DYRK1A: variants seen among roughly 807,000 people sequenced by gnomAD.
DYRK1A encodes dual specificity tyrosine-phosphorylation-regulated kinase 1A.
A neutral mutation model predicts 79.7 loss-of-function variants in DYRK1A; 9 were observed. The observed-to-expected ratio is 0.11, with a 90% CI of 0.07 to 0.20. DYRK1A has a LOEUF of 0.20. Among genes scored for constraint, DYRK1A ranks in the 10% least tolerant of loss-of-function variants. The pLI, the probability that DYRK1A is intolerant of heterozygous loss-of-function variation, is 1.00. For synonymous variants in DYRK1A, 349 were observed against 329.7 expected (o/e 1.06, Z -0.63); for missense variants, 622 against 956.0 (o/e 0.65, Z 4.61).
intron 6 of DYRK1A, 111 bp from the exon 7 acceptor site, chr21:37,490,064 T>C (rs950190208): frequency 3.6e-6 from 4 of 1,122,144 alleles, no homozygotes; most frequent in Non-Finnish European, 3.7e-6. Flanking sequence ...AAACTTTAAC[T>C]GAACTCTGCA....
At chr21:37,410,116 C>G (rs1272187834) in intron 1 of DYRK1A, among the ~76,000 whole-genome samples, 2 of 152,100 alleles carry the variant, frequency 1.3e-5, no homozygotes, top group African/African-American at 2.4e-5. Flanking sequence ...AGGACTCATG[C>G]TTAAATAGAC....
chr21:37,433,909 G>A (rs2050849193), intron 2 of DYRK1A, among the ~76,000 whole-genome samples: 1 of 152,134 alleles, frequency 6.6e-6, no homozygotes, highest in African/African-American at 2.4e-5. Flanking sequence ...CTAGGATGGG[G>A]GGGTTAATAT....
At chr21:37,409,645 T>G (rs2148412355) in intron 1 of DYRK1A, among the ~76,000 whole-genome samples, 1 of 152,278 alleles carries the variant, frequency 6.6e-6, no homozygotes, top group East Asian at 1.9e-4. Flanking sequence ...ATAAAAGATG[T>G]ATATATTTAT....
At chr21:37,429,395 T>A (rs2050714372) in intron 2 of DYRK1A, among the ~76,000 whole-genome samples, 1 of 152,202 alleles carries the variant, frequency 6.6e-6, no homozygotes, top group South Asian at 2.1e-4. Flanking sequence ...AAAAGAGTTT[T>A]AATTGGTACA....
At chr21:37,384,510 T>A (rs1026151444) in intron 1 of DYRK1A, among the ~76,000 whole-genome samples, 2 of 152,150 alleles carry the variant, frequency 1.3e-5, no homozygotes, top group African/African-American at 4.8e-5. Context: ...AAGCAAGCCT[T>A]CAAAGAAGCA....
chr21:37,414,965 T>C (rs1043449172), intron 1 of DYRK1A, among the ~76,000 whole-genome samples: 1 of 152,230 alleles, frequency 6.6e-6, no homozygotes, highest in Non-Finnish European at 1.5e-5. Flanking sequence ...ACTACTACTT[T>C]ACAATTACTG....
At chr21:37,478,353 A>T in intron 4 of DYRK1A, 53 bp downstream of exon 4, 1 of 1,552,504 alleles carries the variant, frequency 6.4e-7, no homozygotes, top group Non-Finnish European at 8.8e-7. Context: ...TCATTGAGAA[A>T]AAAAGTGTGA....
chr21:37,410,296 T>C (rs914049892), intron 1 of DYRK1A, among the ~76,000 whole-genome samples: 1 of 152,162 alleles, frequency 6.6e-6, no homozygotes, highest in African/African-American at 2.4e-5. Flanking sequence ...GTAGGCTGTG[T>C]ATAGGTATTT....
At chr21:37,500,716 C>T (rs1173400805) in intron 9 of DYRK1A, among the ~76,000 whole-genome samples, 1 of 151,786 alleles carries the variant, frequency 6.6e-6, no homozygotes, top group African/African-American at 2.4e-5. Flanking sequence ...ACTTTTCTTT[C>T]TCATCTAAAT....
chr21:37,478,385 T>TA (rs2052478329), intron 4 of DYRK1A, 85 bp downstream of exon 4: 1 of 1,192,084 alleles, frequency 8.4e-7, no homozygotes, highest in South Asian at 1.5e-5. Flanking sequence ...TAAACTTTTT[T>TA]TTCATTCCTA....
intron 1 of DYRK1A, among the ~76,000 whole-genome samples, chr21:37,400,391 A>G (rs916649706): frequency 6.6e-6 from 1 of 152,196 alleles, no homozygotes; most frequent in East Asian, 1.9e-4. Flanking sequence ...TTGGTGGACC[A>G]TTTTCCAGCT....
intron 2 of DYRK1A, among the ~76,000 whole-genome samples, chr21:37,423,448 A>G (rs2050531146): frequency 6.6e-6 from 1 of 152,300 alleles, no homozygotes; most frequent in Non-Finnish European, 1.5e-5. Flanking sequence ...TAAGGTGTAG[A>G]ATGACTTCTC....
chr21:37,389,777 A>G (rs1429929119), intron 1 of DYRK1A, among the ~76,000 whole-genome samples: 3 of 151,974 alleles, frequency 2.0e-5, no homozygotes, highest in Non-Finnish European at 4.4e-5. Flanking sequence ...CTAAGGTTTT[A>G]TGGCAGTGCT....
intron 1 of DYRK1A, among the ~76,000 whole-genome samples, chr21:37,398,343 T>TA (rs755567725): frequency 0.02 from 2,863 of 142,226 alleles, 26 homozygotes; most frequent in Non-Finnish European, 0.025. Context: ...TCCTGTCTCT[T>TA]AAAAAAAAAA....
At chr21:37,475,781 G>A (rs2052374318) in intron 3 of DYRK1A, among the ~76,000 whole-genome samples, 1 of 152,114 alleles carries the variant, frequency 6.6e-6, no homozygotes, top group Non-Finnish European at 1.5e-5. Flanking sequence ...TTTTGTATAT[G>A]TACTGTATAT....
At chr21:37,396,403 A>G (rs2049960382) in intron 1 of DYRK1A, among the ~76,000 whole-genome samples, 1 of 152,216 alleles carries the variant, frequency 6.6e-6, no homozygotes, top group Non-Finnish European at 1.5e-5. Flanking sequence ...AAGGCATAGT[A>G]TAGCCAGAAA....
In DYRK1A at chr21:37,373,238, A is replaced by G. The variant is rs117648337; in HGVS notation, c.-77+5610A>G. Among the ~76,000 whole-genome samples the G allele has an allele frequency of 5.3e-3, 810 of 152,332 alleles. 6 individuals carry two copies. Among genetic ancestry groups the G allele is most frequent in the Non-Finnish European group, 8.2e-3 (558 of 68,022 alleles). On this transcript the variant is annotated intron_variant, in intron 1 of 11. Transcript: ENST00000647188. ...CTGCCCAGGATTTTGAGAATGTGAA[A>G]TGAGACACTATAATGAAGTGCTGAA... is the stretch of plus-strand genomic sequence containing the variant.
At chr21:37,420,121 G>T in intron 1 of DYRK1A, 178 bp from the exon 2 acceptor site, 2 of 299,614 alleles carry the variant, frequency 6.7e-6, no homozygotes, top group East Asian at 5.3e-5. Context: ...ATATATAGTT[G>T]ATTTTGATTA....
At chr21:37,488,194 A>G (rs2052943192) in intron 6 of DYRK1A, 1 of 205,868 alleles carries the variant, frequency 4.9e-6, no homozygotes, top group Non-Finnish European at 8.5e-6. Context: ...TATTAATTGT[A>G]TTAGTTATTA....
Sources: gnomAD v4.1 joint callset for allele counts (sites outside exome capture counted in the v4.1 genomes callset) on GRCh38, gnomAD v4.1.1 for gene constraint, MANE v1.5 for transcripts, NCBI Gene and HGNC (gene_info 2026-07-23, HGNC 2026-07-21) for gene names.